UBR3: variants seen among roughly 807,000 people sequenced by gnomAD.
UBR3 encodes E3 ubiquitin-protein ligase UBR3.
In UBR3, 85 loss-of-function variants were observed where a neutral mutation model predicts 243.2. That is an observed-to-expected ratio of 0.35 (90% CI 0.29 to 0.42). The LOEUF (loss-of-function observed/expected upper bound fraction) is 0.42. Ranked by LOEUF, UBR3 falls within the 10% of genes least tolerant of loss-of-function variation. The pLI, the probability that UBR3 is intolerant of heterozygous loss-of-function variation, is 1.00. For missense variants in UBR3, 1,686 were observed against 2,300.8 expected, an observed-to-expected ratio of 0.73 and a Z score of 5.47; for synonymous variants, 748 against 799.8, an observed-to-expected ratio of 0.94 and a Z score of 1.09.
chr2:169,884,937 A>G (rs1350398416), intron 5 of UBR3, among the ~76,000 whole-genome samples: 1 of 152,236 alleles, frequency 6.6e-6, no homozygotes, highest in African/African-American at 2.4e-5. Context: ...GATAGATGGA[A>G]AGAGGTTGAT....
intron 1 of UBR3, among the ~76,000 whole-genome samples, chr2:169,831,618 A>G (rs1243271105): frequency 6.6e-6 from 1 of 152,144 alleles, no homozygotes; most frequent in Non-Finnish European, 1.5e-5. Flanking sequence ...TGGATTGGAT[A>G]GAGTAATTTT....
intron 19 of UBR3, among the ~76,000 whole-genome samples, chr2:169,933,299 C>T (rs1363683378): frequency 2.6e-5 from 4 of 152,100 alleles, no homozygotes; most frequent in Non-Finnish European, 5.9e-5. Flanking sequence ...TTGTGTTGTT[C>T]TACTTTTGAA....
intron 1 of UBR3, among the ~76,000 whole-genome samples, chr2:169,866,256 CAAAA>C (rs143250064): frequency 8.8e-6 from 1 of 113,322 alleles, no homozygotes; most frequent in African/African-American, 3.4e-5. Flanking sequence ...GACTGTGTCT[CAAAA>C]AAAAAAAAAA....
intron 22 of UBR3, among the ~76,000 whole-genome samples, chr2:169,948,955 A>C (rs2105360938): frequency 6.6e-6 from 1 of 152,090 alleles, no homozygotes; most frequent in African/African-American, 2.4e-5. Context: ...CTTGACCCAC[A>C]AACCAAAAAC....
intron 25 of UBR3, among the ~76,000 whole-genome samples, chr2:169,989,994 A>G (rs1472484467): frequency 6.6e-6 from 1 of 152,148 alleles, no homozygotes; most frequent in African/African-American, 2.4e-5. Context: ...CCTGCCCTGA[A>G]ATCAGCAATC....
chr2:170,056,810 G>A (rs748477781), intron 33 of UBR3, among the ~76,000 whole-genome samples: 4 of 152,146 alleles, frequency 2.6e-5, no homozygotes, highest in Non-Finnish European at 5.9e-5. Flanking sequence ...AGTTCACTGT[G>A]TCTTAATTAT....
intron 26 of UBR3, among the ~76,000 whole-genome samples, chr2:169,999,314 A>G (rs1392826144): frequency 6.6e-6 from 1 of 152,192 alleles, no homozygotes; most frequent in African/African-American, 2.4e-5. Context: ...TTGTAACAGT[A>G]GAAGCCTGCT....
chr2:170,010,918 C>CT (rs34288551), intron 29 of UBR3, among the ~76,000 whole-genome samples: 124,443 of 151,906 alleles, frequency 0.82, 51,270 homozygotes, highest in Middle Eastern at 0.9. Flanking sequence ...AATCTCAGAA[C>CT]TTGAGAGACC....
chr2:170,041,773 C>G (rs2090973486), intron 32 of UBR3, among the ~76,000 whole-genome samples: 1 of 152,138 alleles, frequency 6.6e-6, no homozygotes, highest in South Asian at 2.1e-4. Flanking sequence ...TTTATACAAA[C>G]TCCAGCTTGA....
chr2:169,858,513 G>A (rs1402063623), intron 1 of UBR3, among the ~76,000 whole-genome samples: 1 of 151,596 alleles, frequency 6.6e-6, no homozygotes, highest in East Asian at 1.9e-4. Context: ...AGTTTTGAAG[G>A]GTATTTTCTC....
rs1199328929 is a variant in UBR3 at position 170,017,574 on chromosome 2, CACACACACAG to C, written c.4453+2209_4453+2218del. Among the ~76,000 whole-genome samples the C allele has an allele frequency of 6.2e-3, 844 of 135,834 alleles. 6 individuals are homozygous for C. The highest frequency in any genetic ancestry group is 0.012 in the African/African-American group (394 of 33,678). 89.1% of individuals were successfully genotyped at this position (135,834 alleles called of 152,430 possible). ...ACACACACACACACACACACACACACACACACACAGGGGGAGAAGGGAAGATTGTTCTTTC... is the reference window on the plus strand; with the variant it reads ...ACACACACACACACACACACACACACGGGGAGAAGGGAAGATTGTTCTTTC... On this transcript the variant is annotated intron_variant, in intron 30 of 38. Transcript: ENST00000272793.
chr2:169,842,353 C>T (rs1179012399), intron 1 of UBR3, among the ~76,000 whole-genome samples: 3 of 152,140 alleles, frequency 2.0e-5, no homozygotes, highest in Non-Finnish European at 4.4e-5. Flanking sequence ...AATCAGCGCC[C>T]TGACAAAACA....
chr2:169,840,535 A>G (rs2082257441), intron 1 of UBR3, among the ~76,000 whole-genome samples: 1 of 152,116 alleles, frequency 6.6e-6, no homozygotes, highest in Non-Finnish European at 1.5e-5. Flanking sequence ...GTTGGTGACT[A>G]TGTGACTATG....
At chr2:169,995,328 TC>T (rs989483259) in intron 26 of UBR3, among the ~76,000 whole-genome samples, 11 of 152,194 alleles carry the variant, frequency 7.2e-5, no homozygotes, top group African/African-American at 2.4e-4. Flanking sequence ...CATTGTTTTG[TC>T]AAAAATTGGG....
chr2:170,071,715 ATAATT>A (rs1489307626), intron 35 of UBR3, among the ~76,000 whole-genome samples: 1 of 152,150 alleles, frequency 6.6e-6, no homozygotes, highest in African/African-American at 2.4e-5. Context: ...CAGCCTGCAT[ATAATT>A]TTTCTTTTTC....
chr2:169,928,741 T>C lies in UBR3; in HGVS notation c.2439T>C (p.Pro813=). The change falls in exon 18 of 39, where the codon CCT becomes CCC. Residue 813 remains proline, a synonymous_variant. Coordinates refer to ENST00000272793, the MANE Select transcript of UBR3 (RefSeq NM_172070.4). Reference sequence around the variant, plus strand: ...ATATATATCATATTCCAGAAAATCCTAATCCCAAAAGTGGCATTATTCCAG... The same window carrying C: ...ATATATATCATATTCCAGAAAATCCCAATCCCAAAAGTGGCATTATTCCAG... ...SSLLDLIPEN[P]NPKSGIIPGS... is the part of the protein sequence containing the mutation. The C allele has an allele frequency of 4.0e-6, 6 of 1,488,276 alleles. No homozygotes were observed. Among genetic ancestry groups the C allele is most frequent in the Non-Finnish European group, 5.4e-6 (6 of 1,102,896 alleles). The allele number at this position is 1,488,276 out of a possible 1,614,324, so 92.2% of individuals were successfully genotyped here. A position where few individuals can be genotyped will look rare whatever the true frequency, so the allele number is the denominator to read the frequency against.
chr2:170,012,952 C>T (rs928120310), intron 29 of UBR3, among the ~76,000 whole-genome samples: 1 of 152,158 alleles, frequency 6.6e-6, no homozygotes, highest in Non-Finnish European at 1.5e-5. Context: ...TTAATGTGCA[C>T]ATCTAGGTGG....
chr2:170,015,343 C>A lies in UBR3; in HGVS notation c.4430C>A (p.Thr1477Lys), dbSNP rs773634750. The stretch of plus-strand genomic sequence containing the variant: ...AATTTGTGTTCAGGTGGTGCAAGCA[C>A]AGCTGGCAAAAGGTCTTGTTTAAGT... ...GGNLCSGGAS[T>K]AGKRSCLNQL... Residue 1477 changes from threonine to lysine, a missense_variant, in exon 30 of 39, where the codon ACA (threonine) becomes AAA (lysine). Coordinates refer to ENST00000272793, the MANE Select transcript of UBR3 (RefSeq NM_172070.4). 2 of 1,611,776 alleles carry A rather than the reference C, an allele frequency of 1.2e-6. No individual in the cohort carries two copies. Among genetic ancestry groups the A allele is most frequent in the East Asian group, 4.5e-5 (2 of 44,748 alleles).
chr2:169,957,206 G>C (rs1319092920), intron 23 of UBR3, among the ~76,000 whole-genome samples: 1 of 151,348 alleles, frequency 6.6e-6, no homozygotes, highest in African/African-American at 2.4e-5. Flanking sequence ...GAAGAAACCT[G>C]TCTCCTTTCT....
Sources: gnomAD v4.1 joint callset for allele counts (sites outside exome capture counted in the v4.1 genomes callset) on GRCh38, gnomAD v4.1.1 for gene constraint, MANE v1.5 for transcripts, NCBI Gene and HGNC (gene_info 2026-07-23, HGNC 2026-07-21) for gene names.